ADGRB3: variants seen among roughly 807,000 people sequenced by gnomAD.
ADGRB3 encodes brain-specific angiogenesis inhibitor 3.
Under a neutral mutation model 193.4 loss-of-function variants are expected in ADGRB3, and 37 were observed. The ratio of observed to expected loss-of-function variants is 0.19; its 90% CI spans 0.15 to 0.25. ADGRB3 has a LOEUF of 0.25. ADGRB3 is among the 10% of genes least tolerant of loss of function. The pLI is 1.00. For synonymous variants in ADGRB3, 690 were observed against 644.2 expected, an observed-to-expected ratio of 1.07 and a Z score of -1.08; for missense variants, 1,637 against 1,852.9, an observed-to-expected ratio of 0.88 and a Z score of 2.14.
chr6:69,318,755 T>G (rs913652357), intron 20 of ADGRB3, among the ~76,000 whole-genome samples: 15 of 151,172 alleles, frequency 9.9e-5, no homozygotes, highest in African/African-American at 3.6e-4. Context: ...TGACTCCATT[T>G]TATCTGTTAT....
intron 20 of ADGRB3, among the ~76,000 whole-genome samples, chr6:69,294,011 G>A (rs376117814): frequency 1.3e-5 from 2 of 152,076 alleles, no homozygotes; most frequent in East Asian, 3.9e-4. Flanking sequence ...GTTGGTGGTG[G>A]CATCTTCCTC....
At chr6:68,645,670 T>C (rs1768192449) in intron 3 of ADGRB3, among the ~76,000 whole-genome samples, 1 of 152,138 alleles carries the variant, frequency 6.6e-6, no homozygotes, top group African/African-American at 2.4e-5. Flanking sequence ...ATGTCAGTGC[T>C]CTTTTCTTTT....
At position 68,682,727 on chromosome 6, in the gene ADGRB3, A is replaced by G. The variant is rs115194067; in HGVS notation, c.757+43295A>G. Among the ~76,000 whole-genome samples, 83 of 152,192 alleles carry G rather than the reference A, an allele frequency of 5.5e-4. 1 individual carries two copies. The highest frequency in any genetic ancestry group is 1.9e-3 in the African/African-American group (81 of 41,556). Reference sequence around the variant, plus strand: ...TATAACAAACACCACAAATAAAATGACAGAGGACACATAAGGAGTTGATGC... The same window carrying G: ...TATAACAAACACCACAAATAAAATGGCAGAGGACACATAAGGAGTTGATGC... On this transcript the variant is annotated intron_variant, in intron 3 of 31. Transcript: ENST00000370598.
chr6:69,339,107 C>G, intron 25 of ADGRB3, 93 bp downstream of exon 25: 1 of 1,355,158 alleles, frequency 7.4e-7, no homozygotes, highest in Non-Finnish European at 1.0e-6. Context: ...TTTTCTAATA[C>G]AAGACCAGAG....
At chr6:69,175,470 G>A (rs1225572843) in intron 17 of ADGRB3, among the ~76,000 whole-genome samples, 2 of 152,030 alleles carry the variant, frequency 1.3e-5, no homozygotes, top group African/African-American at 4.8e-5. Flanking sequence ...TTTATTTCTG[G>A]GTTCTCTATT....
At chr6:69,376,724 C>A (rs1056066704) in intron 30 of ADGRB3, among the ~76,000 whole-genome samples, 1 of 152,062 alleles carries the variant, frequency 6.6e-6, no homozygotes, top group Non-Finnish European at 1.5e-5. Flanking sequence ...TTGTTCATAA[C>A]AGACTTCTTC....
intron 20 of ADGRB3, among the ~76,000 whole-genome samples, chr6:69,262,679 AAGAG>A (rs200145567): frequency 2.6e-5 from 4 of 151,006 alleles, no homozygotes; most frequent in Non-Finnish European, 4.4e-5. Flanking sequence ...GATATTTTGA[AAGAG>A]AGAGAGAGAG....
chr6:68,788,095 C>A (rs1767015245), intron 3 of ADGRB3, among the ~76,000 whole-genome samples: 1 of 151,986 alleles, frequency 6.6e-6, no homozygotes, highest in African/African-American at 2.4e-5. Context: ...TTGATCTTTT[C>A]AAAAAACCAG....
intron 20 of ADGRB3, among the ~76,000 whole-genome samples, chr6:69,269,159 A>G (rs528166665): frequency 2.0e-4 from 30 of 150,650 alleles, no homozygotes; most frequent in African/African-American, 7.2e-4. Context: ...AATGTTAAAT[A>G]TCTTGCCCAA....
chr6:68,666,212 A>G (rs1768796411), intron 3 of ADGRB3, among the ~76,000 whole-genome samples: 1 of 151,868 alleles, frequency 6.6e-6, no homozygotes, highest in Non-Finnish European at 1.5e-5. Flanking sequence ...TTTGAAACTT[A>G]AATGCTTTCA....
Position 69,092,979 on chromosome 6 carries a change from CAGG to C in ADGRB3, c.2480+16947_2480+16949del, listed in dbSNP as rs529545581. On this transcript the variant is annotated intron_variant, in intron 17 of 31. Transcript: ENST00000370598. ...GGTAGAGCAGTAGACAGCCTAGGTT[CAGG>C]AGGAGAGGGAGTAGGAAGCCGACAT... Among the ~76,000 whole-genome samples the C allele has an allele frequency of 8.8e-5, 13 of 148,258 alleles. No homozygotes were observed. The East Asian group carries it at 2.0e-3, about 23-fold the overall frequency.
chr6:68,896,271 G>T lies in ADGRB3; in HGVS notation c.758-34288G>T, dbSNP rs371490903. Among the ~76,000 whole-genome samples the T allele has an allele frequency of 2.2e-3, 338 of 152,148 alleles. 1 individual carries two copies. The highest frequency in any genetic ancestry group is 7.9e-3 in the African/African-American group (327 of 41,538). On this transcript the variant is annotated intron_variant, in intron 3 of 31. Coordinates refer to ENST00000370598, the MANE Select transcript of ADGRB3 (RefSeq NM_001704.3). ...ATAATAGTTTCTGTCTGTCCTCTAT[G>T]CCCTGATACATACTACTATGTAGAG...
chr6:68,644,818 G>A (rs1023613979), intron 3 of ADGRB3, among the ~76,000 whole-genome samples: 1 of 151,986 alleles, frequency 6.6e-6, no homozygotes, highest in Non-Finnish European at 1.5e-5. Flanking sequence ...TATTAAGAGG[G>A]GTGCGAACAC....
chr6:69,175,841 G>C (rs1455377529), intron 17 of ADGRB3, among the ~76,000 whole-genome samples: 1 of 152,142 alleles, frequency 6.6e-6, no homozygotes, highest in East Asian at 1.9e-4. Flanking sequence ...TTTCCTTGTA[G>C]AGATCTTTCA....
At chr6:69,037,490 A>AT (rs36039814) in intron 13 of ADGRB3, among the ~76,000 whole-genome samples, 63,911 of 152,014 alleles carry the variant, frequency 0.42, 14,124 homozygotes, top group African/African-American at 0.47. Flanking sequence ...ATAGAGCATG[A>AT]TTTAAACCTA....
At chr6:69,267,636 T>C (rs1190480698) in intron 20 of ADGRB3, among the ~76,000 whole-genome samples, 1 of 152,138 alleles carries the variant, frequency 6.6e-6, no homozygotes, top group Admixed American at 6.6e-5. Context: ...CAAATGACCA[T>C]AGGGAATTAG....
intron 17 of ADGRB3, among the ~76,000 whole-genome samples, chr6:69,172,265 C>T (rs940623208): frequency 6.6e-6 from 1 of 152,118 alleles, no homozygotes; most frequent in Admixed American, 6.5e-5. Flanking sequence ...TTATGCCTAC[C>T]TCTGGTGGTA....
At chr6:69,156,302 G>T (rs1355526420) in intron 17 of ADGRB3, among the ~76,000 whole-genome samples, 1 of 152,188 alleles carries the variant, frequency 6.6e-6, no homozygotes, top group Non-Finnish European at 1.5e-5. Context: ...GAGCAGGGAG[G>T]CTCAGAGGCC....
At chr6:68,858,903 C>T (rs1450405987) in intron 3 of ADGRB3, among the ~76,000 whole-genome samples, 1 of 152,164 alleles carries the variant, frequency 6.6e-6, no homozygotes, top group Non-Finnish European at 1.5e-5. Context: ...CTCACATGCC[C>T]TTGAGACATT....
Sources: gnomAD v4.1 joint callset for allele counts (sites outside exome capture counted in the v4.1 genomes callset) on GRCh38, gnomAD v4.1.1 for gene constraint, MANE v1.5 for transcripts, NCBI Gene and HGNC (gene_info 2026-07-23, HGNC 2026-07-21) for gene names.